TSKU: variants seen among roughly 807,000 people sequenced by gnomAD.
TSKU encodes the protein tsukushi, small leucine rich proteoglycan.
In TSKU, 4 loss-of-function variants were observed where a neutral mutation model predicts 11.2. The ratio of observed to expected loss-of-function variants is 0.36; its 90% CI spans 0.18 to 0.82. TSKU has a LOEUF of 0.82. Ranked by LOEUF, TSKU falls within the 40% of genes least tolerant of loss-of-function variation. The pLI, the probability that TSKU is intolerant of heterozygous loss-of-function variation, is 0.50. For synonymous variants in TSKU, 220 were observed against 232.2 expected (o/e 0.95, Z 0.48); for missense variants, 407 against 482.5 (o/e 0.84, Z 1.47).
upstream of TSKU, chr11:76,782,772 C>T (rs1026769272): frequency 6.6e-6 from 1 of 152,178 alleles, no homozygotes; most frequent in Non-Finnish European, 1.5e-5. Context: ...GCTCTCTCTT[C>T]TCTGTGGGTT....
At chr11:76,789,024 G>A (rs1479930841) in intron 1 of TSKU, among the ~76,000 whole-genome samples, 2 of 152,194 alleles carry the variant, frequency 1.3e-5, no homozygotes, top group Non-Finnish European at 2.9e-5. Flanking sequence ...AGGCGGGATG[G>A]ATGCATGCAG....
chr11:76,785,772 G>T (rs188126371), intron 1 of TSKU, among the ~76,000 whole-genome samples: 144 of 152,256 alleles, frequency 9.5e-4, no homozygotes, highest in African/African-American at 3.1e-3. Flanking sequence ...TATGAAACCC[G>T]TCTCTGGCTT....
At position 76,796,617 on chromosome 11, in the gene TSKU, A is replaced by G. The variant is rs558949081; in HGVS notation, c.1001A>G (p.Lys334Arg). ...CCCCGGAGGCCTGGCTCCAGCCCCAAGGTGGCCCTGCACTGCGTAGACACC... is the reference window on the plus strand; with the variant it reads ...CCCCGGAGGCCTGGCTCCAGCCCCAGGGTGGCCCTGCACTGCGTAGACACC... Reference protein sequence around the residue: ...TYPRRPGSSPKVALHCVDTRD... With the variant: ...TYPRRPGSSPRVALHCVDTRD... Residue 334 changes from lysine (K) to arginine (R), a missense_variant, in exon 2 of 2, where the codon AAG becomes AGG. Transcript: ENST00000333090. The surrounding 1 kb of genome is among the most constrained non-coding windows in gnomAD (Gnocchi z 4.1). 3 of 1,489,526 alleles carry G rather than the reference A, an allele frequency of 2.0e-6. No individual in the cohort carries two copies. The highest frequency in any genetic ancestry group is 2.7e-5 in the South Asian group (2 of 73,924). 92.3% of individuals were successfully genotyped at this position (1,489,526 alleles called of 1,614,324 possible). A position where few individuals can be genotyped will look rare whatever the true frequency, so the allele number is the denominator to read the frequency against.
At position 76,796,182 on chromosome 11, in the gene TSKU, T is replaced by C; in HGVS notation, c.566T>C (p.Leu189Pro). 6 of 1,613,564 alleles carry C rather than the reference T, an allele frequency of 3.7e-6. No homozygotes were observed. The highest frequency in any genetic ancestry group is 5.1e-6 in the Non-Finnish European group (6 of 1,179,980). Residue 189 changes from leucine (L) to proline (P), a missense_variant, in exon 2 of 2, where the codon CTG becomes CCG. Physicochemically the swap from Leu to Pro is moderately conservative, Grantham distance 98. Coordinates refer to ENST00000333090, the MANE Select transcript of TSKU (RefSeq NM_015516.4). The surrounding 1 kb of genome is among the most constrained non-coding windows in gnomAD (Gnocchi z 4.1). ...AGLPAPTIQS[L>P]NLAWNRLHAV... is the part of the protein sequence containing the mutation. The stretch of plus-strand genomic sequence containing the variant: ...CTGCCTGCGCCCACCATTCAGAGCC[T>C]GAACCTGGCCTGGAACCGGCTCCAT...
intron 1 of TSKU, among the ~76,000 whole-genome samples, chr11:76,789,001 G>T (rs532979831): frequency 6.4e-4 from 98 of 152,210 alleles, no homozygotes; most frequent in Non-Finnish European, 9.8e-4. Flanking sequence ...TTTGCTGGGA[G>T]CAGGCCAGGG....
intron 1 of TSKU, among the ~76,000 whole-genome samples, chr11:76,785,197 G>A (rs1194910929): frequency 6.6e-6 from 1 of 152,344 alleles, no homozygotes; most frequent in East Asian, 1.9e-4. Flanking sequence ...GAGAGGGAAG[G>A]GAGGGGGATT....
At position 76,798,100 on chromosome 11, in the gene TSKU, C is replaced by G. The variant is rs553852314; in HGVS notation, c.*1422C>G. 3.1e-4 allele frequency: 52 copies of G among 167,296 alleles called. No homozygotes were observed. Among genetic ancestry groups the G allele is most frequent in the African/African-American group, 1.2e-3 (50 of 41,576 alleles). The allele number at this position is 167,296 out of a possible 1,614,324, so 10.4% of individuals were successfully genotyped here. A position where few individuals can be genotyped will look rare whatever the true frequency, so the allele number is the denominator to read the frequency against. ...GTCTTCCCCCACCTGCCTAGCCCAT[C>G]ATCTATCTAACCGGTCCTTGATTTA... On this transcript the variant is annotated 3_prime_UTR_variant, in exon 2 of 2. Coordinates refer to ENST00000333090, the MANE Select transcript of TSKU (RefSeq NM_015516.4).
At chr11:76,794,284 C>T (rs1944412613) in intron 1 of TSKU, among the ~76,000 whole-genome samples, 1 of 152,238 alleles carries the variant, frequency 6.6e-6, no homozygotes, top group African/African-American at 2.4e-5. Flanking sequence ...TTGAATCCAA[C>T]AGCAGTGGGT....
At chr11:76,791,072 G>A (rs1254749773) in intron 1 of TSKU, among the ~76,000 whole-genome samples, 2 of 152,188 alleles carry the variant, frequency 1.3e-5, no homozygotes, top group Non-Finnish European at 2.9e-5. Context: ...CTGTTGTTAT[G>A]TTTTAGCAAA....
rs11546728 is a variant in TSKU at position 76,796,267 on chromosome 11, A to G, written c.651A>G (p.Leu217=). Residue 217 remains leucine, a synonymous_variant, in exon 2 of 2, where the codon CTA becomes CTG. Transcript: ENST00000333090. This position sits in a 1 kb window ranked among gnomAD's most constrained non-coding sequence, Gnocchi z 4.1. ...ACCTGAGCCTGGATGGGAACCCTCTAGCTGTCATTGGTCCGGGTGCCTTCG... is the reference window on the plus strand; with the variant it reads ...ACCTGAGCCTGGATGGGAACCCTCTGGCTGTCATTGGTCCGGGTGCCTTCG... ...LRYLSLDGNP[L]AVIGPGAFAG... The G allele has an allele frequency of 6.2e-7, 1 of 1,612,914 alleles. No individual in the cohort carries two copies.
At chr11:76,784,600 G>T (rs543958448) in intron 1 of TSKU, among the ~76,000 whole-genome samples, 1 of 152,250 alleles carries the variant, frequency 6.6e-6, no homozygotes, top group African/African-American at 2.4e-5. Context: ...GGAATAACCC[G>T]CGCCTCTGGA....
chr11:76,796,094 C>T lies in TSKU; in HGVS notation c.478C>T (p.Leu160=), dbSNP rs1439873085. 6.2e-7 allele frequency: 1 copy of T among 1,613,978 alleles called. No homozygotes were observed. The highest frequency in any genetic ancestry group is 1.3e-5 in the African/African-American group (1 of 74,922). Residue 160 remains leucine (L), a synonymous_variant, in exon 2 of 2, where the codon CTA becomes TTA. Coordinates refer to ENST00000333090, the MANE Select transcript of TSKU (RefSeq NM_015516.4). This position sits in a 1 kb window ranked among gnomAD's most constrained non-coding sequence, Gnocchi z 4.1. ...CACGACGCACAGTCAGGGCCGGGCA[C>T]TACACGTGGACCTCTCCCACAACCT... ...AFTTHSQGRA[L]HVDLSHNLIH...
At chr11:76,793,166 A>G (rs1282218943) in intron 1 of TSKU, among the ~76,000 whole-genome samples, 1 of 152,260 alleles carries the variant, frequency 6.6e-6, no homozygotes, top group Non-Finnish European at 1.5e-5. Flanking sequence ...CCCTGGGAGC[A>G]TCTGCAGACA....
intron 1 of TSKU, among the ~76,000 whole-genome samples, chr11:76,790,294 C>A (rs370738900): frequency 5.3e-5 from 8 of 152,088 alleles, no homozygotes; most frequent in Admixed American, 3.3e-4. Context: ...CTCTTGTCAC[C>A]AGGCACAGTT....
At position 76,795,998 on chromosome 11, in the gene TSKU, T is replaced by G. The variant is rs1590821403; in HGVS notation, c.382T>G (p.Phe128Val). Residue 128 changes from phenylalanine to valine, a missense_variant, in exon 2 of 2, where the codon TTC becomes GTC. Coordinates refer to ENST00000333090, the MANE Select transcript of TSKU (RefSeq NM_015516.4). ...NGLTALPAESFTSSPLSDVNL... is the reference protein window; with the variant it reads ...NGLTALPAESVTSSPLSDVNL... ...CCTGACAGCCCTGCCAGCCGAGAGC[T>G]TCACCAGCTCACCCCTGAGCGACGT... 1 of 1,613,914 alleles carries G rather than the reference T, an allele frequency of 6.2e-7. No individual in the cohort carries two copies.
In TSKU at chr11:76,796,224, G is replaced by A. The variant is rs201866778; in HGVS notation, c.608G>A (p.Arg203Gln). ...CGGCTCCATGCCGTGCCCAACCTCC[G>A]AGACTTGCCCCTGCGCTACCTGAGC... ...WNRLHAVPNL[R>Q]DLPLRYLSLD... The change falls in exon 2 of 2, where the codon CGA (arginine) becomes CAA (glutamine). Residue 203 changes from arginine to glutamine, a missense_variant. By Grantham distance (43) the Arg-to-Gln change is conservative. Coordinates refer to ENST00000333090, the MANE Select transcript of TSKU (RefSeq NM_015516.4). This position sits in a 1 kb window ranked among gnomAD's most constrained non-coding sequence, Gnocchi z 4.1. The A allele has an allele frequency of 5.6e-6, 9 of 1,613,556 alleles. No individual in the cohort carries two copies. The highest frequency in any genetic ancestry group is 4.0e-5 in the African/African-American group (3 of 75,024).
chr11:76,793,309 TGGCAGTAA>T (rs2134400232), intron 1 of TSKU, among the ~76,000 whole-genome samples: 1 of 152,360 alleles, frequency 6.6e-6, no homozygotes, highest in East Asian at 1.9e-4. Context: ...CCTTCACAGT[TGGCAGTAA>T]GGGTTAATCA....
At chr11:76,794,369 G>A (rs991668607) in intron 1 of TSKU, among the ~76,000 whole-genome samples, 2 of 152,238 alleles carry the variant, frequency 1.3e-5, no homozygotes, top group African/African-American at 4.8e-5. Flanking sequence ...ATTGTACAGA[G>A]GGAACTGAGA....
At chr11:76,795,573 G>C in intron 1 of TSKU, 36 bp from the exon 2 acceptor site, 1 of 1,586,184 alleles carries the variant, frequency 6.3e-7, no homozygotes, top group Non-Finnish European at 8.5e-7. Context: ...TAGACCATCT[G>C]GTGCATTCAT....
Sources: gnomAD v4.1 joint callset for allele counts (sites outside exome capture counted in the v4.1 genomes callset) on GRCh38, gnomAD v4.1.1 for gene constraint, Gnocchi (gnomAD v3.1) non-coding constraint, MANE v1.5 for transcripts, NCBI Gene and HGNC (gene_info 2026-07-23, HGNC 2026-07-21) for gene names.